Variants in SIPA1 observed in about 807,000 individuals in gnomAD.
The protein encoded by SIPA1 is signal-induced proliferation-associated 1, also known as signal-induced proliferation-associated protein 1.
In SIPA1, 51 loss-of-function variants were observed where a neutral mutation model predicts 88.1. That is an observed-to-expected ratio of 0.58 (90% confidence interval 0.46 to 0.73). SIPA1 has a LOEUF of 0.73. SIPA1 is among the 30% of genes least tolerant of loss of function. SIPA1 has a pLI of 0.00. For synonymous variants in SIPA1, 681 were observed against 664.8 expected (o/e 1.02, Z -0.37); for missense variants, 1,348 against 1,467.6 (o/e 0.92, Z 1.33).
At chr11:65,643,934 G>T (rs1346368432) in intron 4 of SIPA1, among the ~76,000 whole-genome samples, 4 of 152,160 alleles carry the variant, frequency 2.6e-5, no homozygotes. Flanking sequence ...TAGACTGTAC[G>T]GGGCGGGGAT....
intron 2 of SIPA1, 52 bp downstream of exon 2, chr11:65,641,652 C>T (rs773290557): frequency 2.6e-5 from 38 of 1,473,484 alleles, no homozygotes; most frequent in Non-Finnish European, 3.4e-5. Context: ...AGAAGAGGTC[C>T]CTGTCACCTG....
Position 65,645,930 on chromosome 11 carries a change from G to T in SIPA1, c.1236G>T (p.Leu412=), listed in dbSNP as rs1856102624. The change falls in exon 6 of 16, where the codon CTG becomes CTT. Residue 412 remains leucine, a synonymous_variant. Transcript: ENST00000534313. ...HEIMFHVSTM[L]PYTPNNQQQL... ...TCATGTTCCACGTGTCCACGATGCT[G>T]CCTTACACCCCTAATAACCAGCAGC... is the stretch of plus-strand genomic sequence containing the variant. The T allele has an allele frequency of 6.2e-7, 1 of 1,613,072 alleles. No homozygotes were observed. The highest frequency in any genetic ancestry group is 1.7e-5 in the Admixed American group (1 of 59,904).
intron 9 of SIPA1, 45 bp from the exon 10 acceptor site, chr11:65,649,217 G>C: frequency 7.3e-7 from 1 of 1,373,016 alleles, no homozygotes; most frequent in Non-Finnish European, 9.9e-7. Context: ...GATGCAGGAC[G>C]CTGGGGACTG....
At position 65,646,403 on chromosome 11, in the gene SIPA1, C is replaced by T. The variant is rs530656144; in HGVS notation, c.1421+25C>T. ...GGTGGGCACCGGAGTGGTCCCAGGTCTCCCGTGGGCATGGAGTCCTGCCGC... is the reference window on the plus strand; with the variant it reads ...GGTGGGCACCGGAGTGGTCCCAGGTTTCCCGTGGGCATGGAGTCCTGCCGC... On this transcript the variant is annotated intron_variant, in intron 7 of 15. Coordinates refer to ENST00000534313, the MANE Select transcript of SIPA1 (RefSeq NM_006747.4). The surrounding 1 kb of genome is among the most constrained non-coding windows in gnomAD (Gnocchi z 7.5). 3.1e-6 allele frequency: 5 copies of T among 1,603,128 alleles called. No homozygotes were observed. In the Admixed American group the frequency reaches 5.0e-5, roughly 16 times the overall value.
chr11:65,646,295 C>T lies in SIPA1; in HGVS notation c.1338C>T (p.Cys446=). The change falls in exon 7 of 16, where the codon TGC becomes TGT. Residue 446 remains cysteine, a synonymous_variant. Transcript: ENST00000534313. This position sits in a 1 kb window ranked among gnomAD's most constrained non-coding sequence, Gnocchi z 7.5. Reference sequence around the variant, plus strand: ...AGGAGCCTGGCAGCAAGCCCTTCTGCCCCACCACCATCCGCTCGCACTTCC... The same window carrying T: ...AGGAGCCTGGCAGCAAGCCCTTCTGTCCCACCACCATCCGCTCGCACTTCC... The part of the protein sequence containing the change: ...VFQEPGSKPF[C]PTTIRSHFQH... The T allele has an allele frequency of 5.6e-6, 9 of 1,614,102 alleles. No homozygotes were observed. Among genetic ancestry groups the T allele is most frequent in the Non-Finnish European group, 6.8e-6 (8 of 1,180,002 alleles).
chr11:65,645,754 T>G lies in SIPA1; in HGVS notation c.1160-100T>G. The G allele has an allele frequency of 4.1e-6, 3 of 728,112 alleles. No individual in the cohort carries two copies. The South Asian group carries it at 5.8e-5, about 14-fold the overall frequency. 45.1% of individuals were successfully genotyped at this position (728,112 alleles called of 1,614,324 possible). On this transcript the variant is annotated intron_variant, in intron 5 of 15. Transcript: ENST00000534313. ...CATGACTGGTTGTCCACCTGCTGTT[T>G]GGGGCACAGAGGCTCCTGTGTACAG...
At chr11:65,643,606 G>A (rs1023059617) in intron 4 of SIPA1, among the ~76,000 whole-genome samples, 17 of 152,350 alleles carry the variant, frequency 1.1e-4, no homozygotes, top group Admixed American at 7.2e-4. Context: ...CTGGAACACT[G>A]AAAGGGAATG....
Position 65,649,320 on chromosome 11 carries a change from G to A in SIPA1, c.2365G>A (p.Asp789Asn). 2 of 1,558,698 alleles carry A rather than the reference G, an allele frequency of 1.3e-6. No individual in the cohort carries two copies. Among genetic ancestry groups the A allele is most frequent in the East Asian group, 2.4e-5 (1 of 41,694 alleles). The change falls in exon 10 of 16, where the codon GAT (aspartate) becomes AAT (asparagine). Residue 789 changes from aspartate (D) to asparagine (N), a missense_variant. Coordinates refer to ENST00000534313, the MANE Select transcript of SIPA1 (RefSeq NM_006747.4). The part of the protein sequence containing the change: ...LQEPSRRGAP[D>N]PVQDEVQGVT... The stretch of plus-strand genomic sequence containing the variant: ...GGAGCCTAGCCGGCGGGGGGCCCCA[G>A]ATCCTGTGCAGGATGAGGTCCAGGG...
chr11:65,640,658 A>G, intron 1 of SIPA1, 173 bp from the exon 2 acceptor site: 1 of 441,640 alleles, frequency 2.3e-6, no homozygotes, highest in Non-Finnish European at 4.0e-6. Context: ...TAAGCTGGGG[A>G]GGGGGCTGGA....
intron 4 of SIPA1, among the ~76,000 whole-genome samples, chr11:65,643,241 T>G (rs1180953499): frequency 6.6e-6 from 1 of 152,208 alleles, no homozygotes; most frequent in African/African-American, 2.4e-5. Flanking sequence ...AAAAGATATT[T>G]GCAGCCCTAG....
At position 65,650,810 on chromosome 11, in the gene SIPA1, C is replaced by T. The variant is rs538927747; in HGVS notation, c.*95C>T. 3.1e-6 allele frequency: 4 copies of T among 1,305,530 alleles called. No homozygotes were observed. The highest frequency in any genetic ancestry group is 2.6e-5 in the East Asian group (1 of 39,126). The allele number at this position is 1,305,530 out of a possible 1,614,324, so 80.9% of individuals were successfully genotyped here. A position where few individuals can be genotyped will look rare whatever the true frequency, so the allele number is the denominator to read the frequency against. On this transcript the variant is annotated 3_prime_UTR_variant, in exon 16 of 16. Transcript: ENST00000534313. ...GCGCAGAGGCGTGTCTTAGCACTGC[C>T]CCCCTCCCTAGCCCCTTATTTGGTG...
chr11:65,649,995 C>T lies in SIPA1; in HGVS notation c.2792C>T (p.Ala931Val). 6.2e-7 allele frequency: 1 copy of T among 1,613,884 alleles called. No homozygotes were observed. Among genetic ancestry groups the T allele is most frequent in the Non-Finnish European group, 8.5e-7 (1 of 1,179,976 alleles). ...GSGTLEDEWQ[A>V]ISEIASTCNT... ...GGGACCCTGGAGGACGAGTGGCAGG[C>T]CATCTCGGAGATTGCCTCTACTTGC... The change falls in exon 13 of 16, where the codon GCC becomes GTC. Residue 931 changes from alanine to valine, a missense_variant. Around this residue, in one of 4 missense-constraint regions of SIPA1, gnomAD observed 615 missense variants for 559.8 expected, o/e 1.10. Coordinates refer to ENST00000534313, the MANE Select transcript of SIPA1 (RefSeq NM_006747.4).
chr11:65,647,040 T>C lies in SIPA1; in HGVS notation c.2006T>C (p.Val669Ala). The change falls in exon 8 of 16, where the codon GTG becomes GCG. Residue 669 changes from valine to alanine, a missense_variant. Val to Ala is a moderately conservative substitution (Grantham distance 64). Coordinates refer to ENST00000534313, the MANE Select transcript of SIPA1 (RefSeq NM_006747.4). ...TTCGACGGGTCCCCCGGCCAAGCCGTGGGCGAGGTGGTGGCGCGCCTGCAG... is the reference window on the plus strand; with the variant it reads ...TTCGACGGGTCCCCCGGCCAAGCCGCGGGCGAGGTGGTGGCGCGCCTGCAG... ...LRFDGSPGQA[V>A]GEVVARLQLV... 11 of 1,543,536 alleles carry C rather than the reference T, an allele frequency of 7.1e-6. No individual in the cohort carries two copies. The highest frequency in any genetic ancestry group is 9.6e-6 in the Non-Finnish European group (11 of 1,150,946).
Position 65,649,946 on chromosome 11 carries a change from A to G in SIPA1, c.2747-4A>G, listed in dbSNP as rs1211843519. The G allele has an allele frequency of 1.9e-6, 3 of 1,613,748 alleles. No homozygotes were observed. Among genetic ancestry groups the G allele is most frequent in the Admixed American group, 1.7e-5 (1 of 59,988 alleles). Reference sequence around the variant, plus strand: ...CTAGCTCAGCCTGCTCCTTGTGCCCACAGTCATGTCGGAGGCGGGCAGTGG... The same window carrying G: ...CTAGCTCAGCCTGCTCCTTGTGCCCGCAGTCATGTCGGAGGCGGGCAGTGG... On this transcript the variant is annotated splice_region_variant and splice_polypyrimidine_tract_variant and intron_variant, in intron 12 of 15. Transcript: ENST00000534313.
Position 65,647,657 on chromosome 11 carries a change from A to G in SIPA1, c.2305A>G (p.Arg769Gly). Reference protein sequence around the residue: ...LPPDESGRPRRSFSELYTLSL... With the variant: ...LPPDESGRPRGSFSELYTLSL... ...CCCCGACGAGAGCGGCCGGCCCCGC[A>G]GGTCAGGGTGCCGGGGACGCGGGGA... The change falls in exon 9 of 16, where the codon AGG becomes GGG. Residue 769 changes from arginine (R) to glycine (G), a missense_variant and splice_region_variant. By Grantham distance (125) the Arg-to-Gly change is moderately radical. Transcript: ENST00000534313. The G allele has an allele frequency of 1.5e-6, 2 of 1,356,518 alleles. No homozygotes were observed. Among genetic ancestry groups the G allele is most frequent in the Non-Finnish European group, 9.5e-7 (1 of 1,057,930 alleles). The allele number at this position is 1,356,518 out of a possible 1,614,324, so 84.0% of individuals were successfully genotyped here.
At chr11:65,638,210 C>T (rs1159038595) in intron 1 of SIPA1, 28 bp downstream of exon 1, 1 of 152,274 alleles carries the variant, frequency 6.6e-6, no homozygotes, top group Admixed American at 6.5e-5. Context: ...GGACGGGAGG[C>T]ACTACTGTCG....
intron 8 of SIPA1, 84 bp downstream of exon 8, chr11:65,647,149 C>T: frequency 7.1e-7 from 1 of 1,418,160 alleles, no homozygotes; most frequent in Non-Finnish European, 9.2e-7. Flanking sequence ...GCCTTTGTCC[C>T]CTACTCCTGC....
At chr11:65,649,190 C>A in intron 9 of SIPA1, 72 bp from the exon 10 acceptor site, 1 of 1,125,914 alleles carries the variant, frequency 8.9e-7, no homozygotes, top group Non-Finnish European at 1.2e-6. Flanking sequence ...GCCTGGCGGG[C>A]TGGGGGTGGG....
At chr11:65,649,539 G>T (rs1222344512) in intron 10 of SIPA1, 22 bp from the exon 11 acceptor site, 1 of 1,613,964 alleles carries the variant, frequency 6.2e-7, no homozygotes, top group Admixed American at 1.7e-5. Context: ...TTCCCTTTCT[G>T]AGCCACCCCT....
Sources: gnomAD v4.1 joint callset for allele counts (sites outside exome capture counted in the v4.1 genomes callset) on GRCh38, gnomAD v4.1.1 for gene constraint, gnomAD v4.1.1 regional missense constraint, Gnocchi (gnomAD v3.1) non-coding constraint, MANE v1.5 for transcripts, NCBI Gene and HGNC (gene_info 2026-07-23, HGNC 2026-07-21) for gene names.